Variants in SHISA9 observed in about 807,000 individuals in gnomAD.
SHISA9 encodes protein shisa-9.
A neutral mutation model predicts 38.0 loss-of-function variants in SHISA9; 13 were observed. That is an observed-to-expected ratio of 0.34 (90% CI 0.22 to 0.54). The LOEUF is 0.54. SHISA9 is among the 20% of genes least tolerant of loss of function. The pLI is 0.91. For missense variants in SHISA9, 538 were observed against 575.8 expected, an observed-to-expected ratio of 0.93 and a Z score of 0.67; for synonymous variants, 275 against 242.0, an observed-to-expected ratio of 1.14 and a Z score of -1.27.
chr16:13,199,178 A>G (rs1004267439), intron 2 of SHISA9, among the ~76,000 whole-genome samples: 4 of 152,290 alleles, frequency 2.6e-5, no homozygotes, highest in African/African-American at 9.6e-5. Flanking sequence ...CAAACAGATG[A>G]GAGAAAGGAC....
At chr16:13,505,958 C>G in the SHISA9 span, among the ~76,000 whole-genome samples, 2 of 152,170 alleles carry the variant, frequency 1.3e-5, no homozygotes, top group Non-Finnish European at 2.9e-5. Context: ...CACTGGAGAA[C>G]AGTCATCTGT....
At chr16:13,185,286 C>G (rs1222820627) in intron 2 of SHISA9, among the ~76,000 whole-genome samples, 2 of 152,198 alleles carry the variant, frequency 1.3e-5, no homozygotes, top group South Asian at 2.1e-4. Context: ...ATTGTAGCAT[C>G]AAACTCCTGG....
chr16:13,538,626 T>G, the SHISA9 span, among the ~76,000 whole-genome samples: 1 of 152,158 alleles, frequency 6.6e-6, no homozygotes, highest in Admixed American at 6.5e-5. Flanking sequence ...GGTAACATTC[T>G]AATGAGGAAA....
chr16:13,270,686 A>G, the SHISA9 span, among the ~76,000 whole-genome samples: 1 of 152,212 alleles, frequency 6.6e-6, no homozygotes, highest in Non-Finnish European at 1.5e-5. Flanking sequence ...CTGAAGATCA[A>G]TATCTGAAAA....
At chr16:12,947,733 C>T (rs762480968) in intron 2 of SHISA9, among the ~76,000 whole-genome samples, 5 of 152,156 alleles carry the variant, frequency 3.3e-5, no homozygotes, top group Admixed American at 2.0e-4. Flanking sequence ...ATTAATCACA[C>T]GAAGGAAAGA....
At chr16:13,190,095 T>A (rs901605416) in intron 2 of SHISA9, among the ~76,000 whole-genome samples, 1 of 146,138 alleles carries the variant, frequency 6.8e-6, no homozygotes, top group Non-Finnish European at 1.5e-5. Context: ...TTTTTTTTTT[T>A]ATGCTTTAAG....
chr16:13,428,698 C>T, the SHISA9 span, among the ~76,000 whole-genome samples: 10 of 151,774 alleles, frequency 6.6e-5, no homozygotes, highest in Non-Finnish European at 1.5e-4. Context: ...GGCTGATGAT[C>T]TTGGAATATA....
intron 2 of SHISA9, among the ~76,000 whole-genome samples, chr16:13,113,818 CAAAA>C: frequency 6.6e-6 from 1 of 152,212 alleles, no homozygotes; most frequent in Admixed American, 6.5e-5. Context: ...ATCTCAGGGA[CAAAA>C]AGGGTTTTTG....
intron 4 of SHISA9, among the ~76,000 whole-genome samples, chr16:13,214,939 A>G (rs972646090): frequency 1.3e-5 from 2 of 151,992 alleles, no homozygotes; most frequent in Non-Finnish European, 2.9e-5. Flanking sequence ...AACCATATCA[A>G]TAGTTGTGGC....
In SHISA9 at chr16:13,004,962, A is replaced by AGAAAG. The variant is rs112467502; in HGVS notation, c.691+88147_691+88148insGAAAG. Reference sequence around the variant, plus strand: ...GAAAAAGAAAAAAAAAAAAAAAGAAAAAAAGAAAGAAAGAAACAGAATCAG... The same window carrying AGAAAG: ...GAAAAAGAAAAAAAAAAAAAAAGAAAGAAAGAAAAGAAAGAAAGAAACAGAATCAG... On this transcript the variant is annotated intron_variant, in intron 2 of 4. Coordinates refer to ENST00000558583, the MANE Select transcript of SHISA9 (RefSeq NM_001145204.3). 3.5e-3 allele frequency among the ~76,000 whole-genome samples: 445 copies of AGAAAG among 127,650 alleles called. 5 individuals carry two copies. Among genetic ancestry groups the AGAAAG allele is most frequent in the African/African-American group, 0.013 (433 of 32,464 alleles). The allele number at this position is 127,650 out of a possible 152,430, so 83.7% of individuals were successfully genotyped here.
the SHISA9 span, among the ~76,000 whole-genome samples, chr16:13,539,323 CAGGATCTTTATATATA>C: frequency 1.4e-5 from 1 of 72,090 alleles, no homozygotes; most frequent in Admixed American, 1.7e-4. Flanking sequence ...TATATAAAGA[CAGGATCTTTATATATA>C]TATAAAGATA....
intron 2 of SHISA9, among the ~76,000 whole-genome samples, chr16:13,013,129 T>C (rs2072699053): frequency 6.6e-6 from 1 of 152,210 alleles, no homozygotes; most frequent in African/African-American, 2.4e-5. Context: ...GAGGAGTCTT[T>C]CTGGCAACTT....
rs1321323622 is a variant in SHISA9, at chr16:13,203,535, C to T, written c.833C>T (p.Ser278Phe). 2 of 1,535,690 alleles carry T rather than the reference C, an allele frequency of 1.3e-6. No individual in the cohort carries two copies. Among genetic ancestry groups the T allele is most frequent in the Non-Finnish European group, 1.8e-6 (2 of 1,140,192 alleles). The change falls in exon 3 of 5, where the codon TCC (serine) becomes TTC (phenylalanine). Residue 278 changes from serine to phenylalanine, a missense_variant. This residue lies in a region of SHISA9 where 326 missense variants were observed against 305.9 expected (regional missense o/e 1.07). Coordinates refer to ENST00000558583, the MANE Select transcript of SHISA9 (RefSeq NM_001145204.3). ...PPGKELNKYA[S>F]LKAVGSSDGD... is the part of the protein sequence containing the mutation. ...GGAAAAGAGCTCAACAAGTACGCCT[C>T]CTTAAAGGCAGTCGGTAAGTGCCAC...
the SHISA9 span, among the ~76,000 whole-genome samples, chr16:13,247,027 G>C: frequency 6.6e-6 from 1 of 150,740 alleles, no homozygotes; most frequent in Non-Finnish European, 1.5e-5. Flanking sequence ...ATAATAATTT[G>C]TTATTAAGTG....
At chr16:13,144,716 A>G (rs2050432031) in intron 2 of SHISA9, among the ~76,000 whole-genome samples, 2 of 152,172 alleles carry the variant, frequency 1.3e-5, no homozygotes, top group Admixed American at 6.5e-5. Flanking sequence ...CTGAAACTGG[A>G]CTTCTGTTGA....
chr16:13,372,870 C>T, the SHISA9 span, among the ~76,000 whole-genome samples: 1 of 151,864 alleles, frequency 6.6e-6, no homozygotes, highest in African/African-American at 2.4e-5. Context: ...CCCTTTAAAA[C>T]ACTTTTTATT....
chr16:13,064,335 C>A (rs1260455189), intron 2 of SHISA9, among the ~76,000 whole-genome samples: 1 of 152,126 alleles, frequency 6.6e-6, no homozygotes, highest in Admixed American at 6.5e-5. Context: ...GACAGGTGAC[C>A]TTGCTTAGGG....
intron 2 of SHISA9, among the ~76,000 whole-genome samples, chr16:13,084,733 C>A (rs544378343): frequency 1.5e-5 from 1 of 65,786 alleles, no homozygotes; most frequent in East Asian, 4.7e-4. Context: ...GAAAGCTTTT[C>A]TCTTAAGCTT....
the SHISA9 span, among the ~76,000 whole-genome samples, chr16:13,398,911 C>A: frequency 1.3e-5 from 2 of 152,110 alleles, no homozygotes; most frequent in Non-Finnish European, 2.9e-5. Context: ...GAATGGAGTT[C>A]ATTGGGTCAT....
Sources: allele counts gnomAD v4.1 joint callset (sites outside exome capture counted in the v4.1 genomes callset), GRCh38; gene constraint gnomAD v4.1.1; regional missense constraint gnomAD v4.1.1; transcripts MANE v1.5; gene names NCBI Gene and HGNC (gene_info 2026-07-23, HGNC 2026-07-21).